The following ENTREP2 variants were observed in gnomAD, a reference collection of about 807,000 sequenced individuals.
ENTREP2 encodes the protein protein ENTREP2.
chr15:29,131,995 G>A, the ENTREP2 span, among the ~76,000 whole-genome samples: 1 of 103,566 alleles, frequency 9.7e-6, no homozygotes, highest in African/African-American at 3.4e-5. Flanking sequence ...GAGTGCTCAC[G>A]GAGCCCACCC....
the ENTREP2 span, among the ~76,000 whole-genome samples, chr15:29,576,703 G>T: frequency 6.6e-6 from 1 of 152,346 alleles, no homozygotes; most frequent in South Asian, 2.1e-4. Context: ...CGAGTGTCCT[G>T]TGAACACCTG....
the ENTREP2 span, among the ~76,000 whole-genome samples, chr15:29,626,717 T>C: frequency 1.3e-5 from 2 of 152,184 alleles, no homozygotes. Context: ...ACAGGACACA[T>C]CCTTATCTTG....
At chr15:29,428,039 A>C in the ENTREP2 span, among the ~76,000 whole-genome samples, 3 of 152,224 alleles carry the variant, frequency 2.0e-5, no homozygotes, top group Admixed American at 1.3e-4. Context: ...AAAATATTGC[A>C]GTATGTACCT....
At chr15:29,339,360 G>C in the ENTREP2 span, among the ~76,000 whole-genome samples, 1 of 152,212 alleles carries the variant, frequency 6.6e-6, no homozygotes. Context: ...TGGCTAGTGG[G>C]GTGGAGATGG....
chr15:29,631,245 G>A, the ENTREP2 span, among the ~76,000 whole-genome samples: 1 of 152,130 alleles, frequency 6.6e-6, no homozygotes, highest in East Asian at 1.9e-4. Context: ...TTCAACTGCT[G>A]AATCATCTTC....
At chr15:29,595,280 A>AAATAT in the ENTREP2 span, among the ~76,000 whole-genome samples, 5 of 151,948 alleles carry the variant, frequency 3.3e-5, no homozygotes, top group East Asian at 9.7e-4. Context: ...AAATAAAATA[A>AAATAT]GCTTTTGTGT....
chr15:29,185,053 C>G, the ENTREP2 span, among the ~76,000 whole-genome samples: 11 of 150,348 alleles, frequency 7.3e-5, no homozygotes, highest in East Asian at 2.1e-3. Context: ...GCACTCCAGC[C>G]TGGGCAACAG....
chr15:29,320,186 T>A, the ENTREP2 span, among the ~76,000 whole-genome samples: 1 of 152,182 alleles, frequency 6.6e-6, no homozygotes, highest in Non-Finnish European at 1.5e-5. Flanking sequence ...AATTTCATCA[T>A]CAGAGTAAAA....
chr15:29,313,647 C>T, the ENTREP2 span, among the ~76,000 whole-genome samples: 3 of 152,172 alleles, frequency 2.0e-5, no homozygotes, highest in Non-Finnish European at 4.4e-5. Context: ...ATTGACAATA[C>T]ACCTAAGAGC....
At chr15:29,124,891 C>T in the ENTREP2 span, 1 of 814,558 alleles carries the variant, frequency 1.2e-6, no homozygotes, top group Non-Finnish European at 2.0e-6. Context: ...GAGCTGACAC[C>T]CACCGAGCGG....
the ENTREP2 span, chr15:29,375,848 C>T: frequency 6.6e-6 from 1 of 151,968 alleles, no homozygotes; most frequent in Non-Finnish European, 1.5e-5. Flanking sequence ...ACTGGCTCAC[C>T]GAGATCTTTG....
the ENTREP2 span, among the ~76,000 whole-genome samples, chr15:29,487,624 A>G: frequency 6.6e-6 from 1 of 152,308 alleles, no homozygotes; most frequent in African/African-American, 2.4e-5. Context: ...GCAAGCAACA[A>G]CAAACCCTGA....
At chr15:29,149,785 C>G in the ENTREP2 span, among the ~76,000 whole-genome samples, 1 of 152,230 alleles carries the variant, frequency 6.6e-6, no homozygotes, top group African/African-American at 2.4e-5. Context: ...GACTCTCAAG[C>G]CCGGCAGCAG....
At chr15:29,621,164 C>A in the ENTREP2 span, among the ~76,000 whole-genome samples, 5 of 150,822 alleles carry the variant, frequency 3.3e-5, no homozygotes, top group Admixed American at 6.6e-5. Flanking sequence ...CCGAGGCAGG[C>A]GGATCACAAG....
chr15:29,344,956 A>C, the ENTREP2 span, among the ~76,000 whole-genome samples: 5 of 151,918 alleles, frequency 3.3e-5, no homozygotes, highest in Admixed American at 6.6e-5. Flanking sequence ...ACACACACAC[A>C]CACACACACA....
At chr15:29,616,846 A>G in the ENTREP2 span, among the ~76,000 whole-genome samples, 2 of 152,226 alleles carry the variant, frequency 1.3e-5, no homozygotes. Flanking sequence ...AGGCTGAGGC[A>G]GGCAGATCAC....
chr15:29,492,763 G>T, the ENTREP2 span, among the ~76,000 whole-genome samples: 2 of 152,062 alleles, frequency 1.3e-5, 1 homozygote, highest in African/African-American at 4.8e-5. Flanking sequence ...CAGCACTTTG[G>T]GAGGCCAAAG....
At chr15:29,496,469 G>A in the ENTREP2 span, among the ~76,000 whole-genome samples, 1 of 152,004 alleles carries the variant, frequency 6.6e-6, no homozygotes. Flanking sequence ...TTAAATAAAA[G>A]TGGTGAGAGT....
chr15:29,586,380 T>C, the ENTREP2 span, among the ~76,000 whole-genome samples: 1 of 152,178 alleles, frequency 6.6e-6, no homozygotes, highest in African/African-American at 2.4e-5. Flanking sequence ...TAAAATTGGA[T>C]AGTGGTGATG....
Sources: gnomAD v4.1 joint callset for allele counts (sites outside exome capture counted in the v4.1 genomes callset) on GRCh38, gnomAD v4.1.1 for gene constraint, MANE v1.5 for transcripts, NCBI Gene and HGNC (gene_info 2026-07-23, HGNC 2026-07-21) for gene names.